TUBA4A: variants seen among roughly 807,000 people sequenced by gnomAD.
The protein encoded by TUBA4A is tubulin alpha 4a.
Under a neutral mutation model 34.3 loss-of-function variants are expected in TUBA4A, and 23 were observed. The observed-to-expected ratio is 0.67, with a 90% CI of 0.48 to 0.95. The LOEUF (loss-of-function observed/expected upper bound fraction) is 0.95. Among genes scored for constraint, TUBA4A ranks in the 40% least tolerant of loss-of-function variants. TUBA4A has a pLI of 0.00. For missense variants in TUBA4A, 279 were observed against 599.0 expected (o/e 0.47, Z 5.58); for synonymous variants, 216 against 230.5 (o/e 0.94, Z 0.57).
At chr2:219,253,068 C>A (rs1279091153) in intron 1 of TUBA4A, 3 of 1,207,208 alleles carry the variant, frequency 2.5e-6, no homozygotes, top group African/African-American at 1.5e-5. Context: ...TGGGCGCCAT[C>A]CTGCAGCCCA....
At position 219,251,840 on chromosome 2, in the gene TUBA4A, C is replaced by T; in HGVS notation, c.227-127G>A. 2 of 1,398,592 alleles carry T rather than the reference C, an allele frequency of 1.4e-6. No homozygotes were observed. The highest frequency in any genetic ancestry group is 1.4e-5 in the South Asian group (1 of 72,744). The allele number at this position is 1,398,592 out of a possible 1,614,324, so 86.6% of individuals were successfully genotyped here. ...CTGAGATACCAGAGTGTGAGAGAAA[C>T]CCAGACCAGCTGCCCAGGCCAGTCT... On this transcript the variant is annotated intron_variant, in intron 2 of 3. Transcript: ENST00000248437. The surrounding 1 kb of genome is among the most constrained non-coding windows in gnomAD (Gnocchi z 6.1).
Position 219,250,964 on chromosome 2 carries a change from G to T in TUBA4A, c.735C>A (p.Asp245Glu). 6.2e-7 allele frequency: 1 copy of T among 1,614,210 alleles called. No homozygotes were observed. Among genetic ancestry groups the T allele is most frequent in the Non-Finnish European group, 8.5e-7 (1 of 1,180,044 alleles). ...CTGTCAGGTCCACATTGAGGGCCCCGTCAAAGCGCAGAGAAGCTGTGATGG... is the reference window on the plus strand; with the variant it reads ...CTGTCAGGTCCACATTGAGGGCCCCTTCAAAGCGCAGAGAAGCTGTGATGG... ...VSSITASLRFDGALNVDLTEF... is the reference protein window; with the variant it reads ...VSSITASLRFEGALNVDLTEF... The change falls in exon 4 of 4, where the codon GAC becomes GAA. Residue 245 changes from aspartate (D) to glutamate (E), a missense_variant. By Grantham distance (45) the Asp-to-Glu change is conservative (BLOSUM62 2). Around this residue, in one of 3 missense-constraint regions of TUBA4A, gnomAD observed 108 missense variants for 299.9 expected, o/e 0.36. Coordinates refer to ENST00000248437, the MANE Select transcript of TUBA4A (RefSeq NM_006000.3). The surrounding 1 kb of genome is among the most constrained non-coding windows in gnomAD (Gnocchi z 8.4).
At position 219,251,534 on chromosome 2, in the gene TUBA4A, A is replaced by G. The variant is rs1264744688; in HGVS notation, c.375+31T>C. ...TTCCTGACCATTAGCACAGTCTCAA[A>G]AGTTCCCTCCCTCCCAAGACACACT... On this transcript the variant is annotated intron_variant, in intron 3 of 3. Transcript: ENST00000248437. This position sits in a 1 kb window ranked among gnomAD's most constrained non-coding sequence, Gnocchi z 6.1. 1.2e-6 allele frequency: 2 copies of G among 1,604,836 alleles called. No individual in the cohort carries two copies. The highest frequency in any genetic ancestry group is 2.7e-5 in the African/African-American group (2 of 74,668).
chr2:219,251,804 C>G lies in TUBA4A; in HGVS notation c.227-91G>C, dbSNP rs1195135854. The G allele has an allele frequency of 6.7e-7, 1 of 1,500,186 alleles. No homozygotes were observed. Among genetic ancestry groups the G allele is most frequent in the Non-Finnish European group, 9.0e-7 (1 of 1,112,214 alleles). 92.9% of individuals were successfully genotyped at this position (1,500,186 alleles called of 1,614,324 possible). A position where few individuals can be genotyped will look rare whatever the true frequency, so the allele number is the denominator to read the frequency against. On this transcript the variant is annotated intron_variant, in intron 2 of 3. Coordinates refer to ENST00000248437, the MANE Select transcript of TUBA4A (RefSeq NM_006000.3). This position sits in a 1 kb window ranked among gnomAD's most constrained non-coding sequence, Gnocchi z 6.1. Reference sequence around the variant, plus strand: ...GGCCAGATGCATGGAAGGACTCATCCTCCTGCCAGCCTGAGATACCAGAGT... The same window carrying G: ...GGCCAGATGCATGGAAGGACTCATCGTCCTGCCAGCCTGAGATACCAGAGT...
upstream of TUBA4A, chr2:219,254,556 C>G (rs946192911): frequency 6.6e-6 from 1 of 152,308 alleles, no homozygotes; most frequent in Non-Finnish European, 1.5e-5. Flanking sequence ...CGGGGCCGAC[C>G]CCGGAATCTG....
intron 1 of TUBA4A, 98 bp downstream of exon 1, chr2:219,253,758 A>T: frequency 7.0e-7 from 1 of 1,427,346 alleles, no homozygotes; most frequent in East Asian, 2.5e-5. Flanking sequence ...GAGACCCGGA[A>T]CGCCCGGTGG....
Position 219,250,699 on chromosome 2 carries a change from C to A in TUBA4A, c.1000G>T (p.Ala334Ser). 1 of 1,614,200 alleles carries A rather than the reference C, an allele frequency of 6.2e-7. No homozygotes were observed. The highest frequency in any genetic ancestry group is 1.7e-5 in the Admixed American group (1 of 60,024). Residue 334 changes from alanine to serine, a missense_variant, in exon 4 of 4, where the codon GCC becomes TCC. By Grantham distance (99) the Ala-to-Ser change is moderately conservative. Coordinates refer to ENST00000248437, the MANE Select transcript of TUBA4A (RefSeq NM_006000.3). This position sits in a 1 kb window ranked among gnomAD's most constrained non-coding sequence, Gnocchi z 8.4. The stretch of plus-strand genomic sequence containing the variant: ...TGAATGCTGCGCTTGGTCTTGATGG[C>A]GGCAATGGCAGCGTTGACATCCTTG... The part of the protein sequence containing the change: ...VPKDVNAAIA[A>S]IKTKRSIQFV...
At position 219,251,762 on chromosome 2, in the gene TUBA4A, C is replaced by A; in HGVS notation, c.227-49G>T. The A allele has an allele frequency of 1.3e-6, 2 of 1,582,138 alleles. No homozygotes were observed. Among genetic ancestry groups the A allele is most frequent in the East Asian group, 2.3e-5 (1 of 44,402 alleles). ...CTATGCTCAGCAGGGACCTTCCTCC[C>A]CCAGGGTGGTAGCTGTGGCCAGATG... On this transcript the variant is annotated intron_variant, in intron 2 of 3. Transcript: ENST00000248437. This position sits in a 1 kb window ranked among gnomAD's most constrained non-coding sequence, Gnocchi z 6.1.
At position 219,250,546 on chromosome 2, in the gene TUBA4A, C is replaced by T; in HGVS notation, c.1153G>A (p.Ala385Thr). The T allele has an allele frequency of 6.2e-7, 1 of 1,614,224 alleles. No individual in the cohort carries two copies. Among genetic ancestry groups the T allele is most frequent in the Non-Finnish European group, 8.5e-7 (1 of 1,180,036 alleles). The change falls in exon 4 of 4, where the codon GCC becomes ACC. Residue 385 changes from alanine to threonine, a missense_variant. Coordinates refer to ENST00000248437, the MANE Select transcript of TUBA4A (RefSeq NM_006000.3). This position sits in a 1 kb window ranked among gnomAD's most constrained non-coding sequence, Gnocchi z 8.4. Reference sequence around the variant, plus strand: ...TGGTCCAGGCGGGCCCAGGCCTCGGCGATGGCGGTCGTGTTGCTCAGCATG... The same window carrying T: ...TGGTCCAGGCGGGCCCAGGCCTCGGTGATGGCGGTCGTGTTGCTCAGCATG... Reference protein sequence around the residue: ...VCMLSNTTAIAEAWARLDHKF... With the variant: ...VCMLSNTTAITEAWARLDHKF...
Position 219,250,520 on chromosome 2 carries a change from G to A in TUBA4A, c.1179C>T (p.His393=), listed in dbSNP as rs1574883653. 6.2e-7 allele frequency: 1 copy of A among 1,614,178 alleles called. No individual in the cohort carries two copies. The highest frequency in any genetic ancestry group is 1.1e-5 in the South Asian group (1 of 91,076). The stretch of plus-strand genomic sequence containing the variant: ...TCTTGGCATACATCAGGTCGAACTT[G>A]TGGTCCAGGCGGGCCCAGGCCTCGG... ...AIAEAWARLD[H]KFDLMYAKRA... Residue 393 remains histidine (H), a synonymous_variant, in exon 4 of 4, where the codon CAC becomes CAT. Coordinates refer to ENST00000248437, the MANE Select transcript of TUBA4A (RefSeq NM_006000.3). The surrounding 1 kb of genome is among the most constrained non-coding windows in gnomAD (Gnocchi z 8.4).
chr2:219,250,680 C>G lies in TUBA4A; in HGVS notation c.1019G>C (p.Ser340Thr). 6.2e-7 allele frequency: 1 copy of G among 1,614,242 alleles called. No individual in the cohort carries two copies. The highest frequency in any genetic ancestry group is 8.5e-7 in the Non-Finnish European group (1 of 1,180,028). Residue 340 changes from serine (S) to threonine (T), a missense_variant, in exon 4 of 4, where the codon AGC becomes ACC. Ser to Thr is a moderately conservative substitution (Grantham distance 58). This residue lies in a region of TUBA4A where 108 missense variants were observed against 299.9 expected (regional missense o/e 0.36). Transcript: ENST00000248437. This position sits in a 1 kb window ranked among gnomAD's most constrained non-coding sequence, Gnocchi z 8.4. ...AAIAAIKTKRSIQFVDWCPTG... is the reference protein window; with the variant it reads ...AAIAAIKTKRTIQFVDWCPTG... ...GGGGCACCAGTCCACAAACTGAATG[C>G]TGCGCTTGGTCTTGATGGCGGCAAT...
chr2:219,250,430 C>T lies in TUBA4A; in HGVS notation c.1269G>A (p.Glu423=). The T allele has an allele frequency of 6.2e-7, 1 of 1,614,238 alleles. No individual in the cohort carries two copies. The highest frequency in any genetic ancestry group is 8.5e-7 in the Non-Finnish European group (1 of 1,180,046). ...MEEGEFSEAR[E]DMAALEKDYE... is the part of the protein sequence containing the mutation. ...AATCCTTCTCCAGGGCAGCCATATC[C>T]TCACGGGCCTCGGAGAACTCACCCT... Residue 423 remains glutamate (E), a synonymous_variant, in exon 4 of 4, where the codon GAG becomes GAA. Coordinates refer to ENST00000248437, the MANE Select transcript of TUBA4A (RefSeq NM_006000.3). This position sits in a 1 kb window ranked among gnomAD's most constrained non-coding sequence, Gnocchi z 8.4.
upstream of TUBA4A, chr2:219,254,133 A>T (rs886601796): frequency 1.9e-4 from 75 of 387,682 alleles, 1 homozygote; most frequent in Admixed American, 2.2e-4. Context: ...TCGGGCTTTA[A>T]CCATTCTTTC....
rs1553571383 is a variant in TUBA4A, at chr2:219,253,362, G to GC, written c.3+493_3+494insG. On this transcript the variant is annotated intron_variant, in intron 1 of 3. Coordinates refer to ENST00000248437, the MANE Select transcript of TUBA4A (RefSeq NM_006000.3). ...CGCGGGGTGCTGAGTCACGGGGGGG[G>GC]GGTGGTTCTGTGGATAGTTGGAATG... 7 of 1,534,326 alleles carry GC rather than the reference G, an allele frequency of 4.6e-6. No individual in the cohort carries two copies. The African/African-American group carries it at 9.7e-5, about 21-fold the overall frequency.
In TUBA4A at chr2:219,249,895, C is replaced by A. The variant is rs1176268226; in HGVS notation, c.*457G>T. 6.2e-6 allele frequency: 1 copy of A among 161,238 alleles called. No homozygotes were observed. Among genetic ancestry groups the A allele is most frequent in the African/African-American group, 2.4e-5 (1 of 41,548 alleles). 10.0% of individuals were successfully genotyped at this position (161,238 alleles called of 1,614,324 possible). A position where few individuals can be genotyped will look rare whatever the true frequency, so the allele number is the denominator to read the frequency against. On this transcript the variant is annotated 3_prime_UTR_variant, in exon 4 of 4. Transcript: ENST00000248437. ...GGAACTCTGGGCCAGCCCAGCCCCA[C>A]TCCCAAACCCTCATAATGCACAGAG... is the stretch of plus-strand genomic sequence containing the variant.
Position 219,252,649 on chromosome 2 carries a change from A to G in TUBA4A, c.4-419T>C, listed in dbSNP as rs1951667476. 3 of 405,540 alleles carry G rather than the reference A, an allele frequency of 7.4e-6. No individual in the cohort carries two copies. Among genetic ancestry groups the G allele is most frequent in the South Asian group, 3.6e-5 (2 of 56,162 alleles). The allele number at this position is 405,540 out of a possible 1,614,324, so 25.1% of individuals were successfully genotyped here. A position where few individuals can be genotyped will look rare whatever the true frequency, so the allele number is the denominator to read the frequency against. On this transcript the variant is annotated intron_variant, in intron 1 of 3. Transcript: ENST00000248437. The surrounding 1 kb of genome is among the most constrained non-coding windows in gnomAD (Gnocchi z 4.1). ...GCTGCAGAGGTGTCTCAGCCATCCA[A>G]TCTGGCATCAACTGACCACACGCCA...
At chr2:219,253,947 A>AGGG, upstream of TUBA4A, 2 of 476,174 alleles carry the variant, frequency 4.2e-6, no homozygotes, top group Non-Finnish European at 6.3e-6. Flanking sequence ...CCGCCCTTAT[A>AGGG]GGCGGGGGGG....
At position 219,251,258 on chromosome 2, in the gene TUBA4A, A is replaced by G. The variant is rs777343840; in HGVS notation, c.441T>C (p.Ser147=). Reference sequence around the variant, plus strand: ...GCTCCATCAGGAGTGAGGTGAAGCCAGAGCCAGTGCCCCCACCAAAGCTGT... The same window carrying G: ...GCTCCATCAGGAGTGAGGTGAAGCCGGAGCCAGTGCCCCCACCAAAGCTGT... ...VFHSFGGGTG[S]GFTSLLMERL... Residue 147 remains serine (S), a synonymous_variant, in exon 4 of 4, where the codon TCT becomes TCC. Transcript: ENST00000248437. The surrounding 1 kb of genome is among the most constrained non-coding windows in gnomAD (Gnocchi z 6.1). 1 of 1,614,166 alleles carries G rather than the reference A, an allele frequency of 6.2e-7. No homozygotes were observed. The highest frequency in any genetic ancestry group is 8.5e-7 in the Non-Finnish European group (1 of 1,180,014).
In TUBA4A at chr2:219,251,526, A is replaced by G. The variant is rs1317321701; in HGVS notation, c.375+39T>C. On this transcript the variant is annotated intron_variant, in intron 3 of 3. Transcript: ENST00000248437. The surrounding 1 kb of genome is among the most constrained non-coding windows in gnomAD (Gnocchi z 6.1). ...AAAAAATATTCCTGACCATTAGCACAGTCTCAAAAGTTCCCTCCCTCCCAA... is the reference window on the plus strand; with the variant it reads ...AAAAAATATTCCTGACCATTAGCACGGTCTCAAAAGTTCCCTCCCTCCCAA... The G allele has an allele frequency of 1.9e-6, 3 of 1,601,752 alleles. No individual in the cohort carries two copies. The highest frequency in any genetic ancestry group is 2.7e-5 in the African/African-American group (2 of 74,618).
Sources: allele counts gnomAD v4.1 joint callset, GRCh38; gene constraint gnomAD v4.1.1; regional missense constraint gnomAD v4.1.1; non-coding constraint Gnocchi (gnomAD v3.1); transcripts MANE v1.5; gene names NCBI Gene and HGNC (gene_info 2026-07-23, HGNC 2026-07-21).